BMAL1: variants seen among roughly 807,000 people sequenced by gnomAD.
BMAL1 encodes the protein basic helix-loop-helix ARNT-like protein 1.
chr11:13,311,064 C>T, the BMAL1 span, among the ~76,000 whole-genome samples: 1 of 152,182 alleles, frequency 6.6e-6, no homozygotes. Context: ...AAAGTTTAAG[C>T]TTGCTTGTTT....
At chr11:13,357,473 A>G in the BMAL1 span, among the ~76,000 whole-genome samples, 1 of 152,106 alleles carries the variant, frequency 6.6e-6, no homozygotes, top group East Asian at 1.9e-4. The surrounding 1 kb of genome is among the most constrained non-coding windows in gnomAD (Gnocchi z 4.8). Flanking sequence ...AGGGGCCCCT[A>G]TTGCACTGCG....
At chr11:13,377,249 A>G in the BMAL1 span, among the ~76,000 whole-genome samples, 1 of 152,096 alleles carries the variant, frequency 6.6e-6, no homozygotes, top group Non-Finnish European at 1.5e-5. Flanking sequence ...CTCCTGGCCC[A>G]GTCTCTCTCC....
At chr11:13,340,488 A>G in the BMAL1 span, among the ~76,000 whole-genome samples, 2 of 152,248 alleles carry the variant, frequency 1.3e-5, no homozygotes, top group Admixed American at 1.3e-4. Flanking sequence ...TCTCTGTTTT[A>G]TATTAAAACA....
the BMAL1 span, chr11:13,356,890 G>C: frequency 1.9e-6 from 3 of 1,594,490 alleles, no homozygotes; most frequent in Non-Finnish European, 2.6e-6. Context: ...AGATGAGCAA[G>C]GAGGCCGTGA....
At chr11:13,362,744 C>G in the BMAL1 span, among the ~76,000 whole-genome samples, 1 of 152,170 alleles carries the variant, frequency 6.6e-6, no homozygotes. Context: ...TGACCGATGC[C>G]TGTAGCATCT....
At chr11:13,348,203 T>G in the BMAL1 span, among the ~76,000 whole-genome samples, 1 of 152,218 alleles carries the variant, frequency 6.6e-6, no homozygotes, top group Non-Finnish European at 1.5e-5. Context: ...GAGCCACACC[T>G]GCAAGAAACG....
At chr11:13,360,518 C>A in the BMAL1 span, 1 of 1,011,570 alleles carries the variant, frequency 9.9e-7, no homozygotes, top group Non-Finnish European at 1.4e-6. Context: ...CAACACTGAG[C>A]TTTTTTTTTT....
the BMAL1 span, among the ~76,000 whole-genome samples, chr11:13,287,344 T>C: frequency 6.6e-6 from 1 of 152,176 alleles, no homozygotes; most frequent in Middle Eastern, 3.2e-3. Flanking sequence ...TTTCCTTACT[T>C]GAAGGCATAG....
chr11:13,331,431 G>T, the BMAL1 span, among the ~76,000 whole-genome samples: 1 of 152,202 alleles, frequency 6.6e-6, no homozygotes, highest in East Asian at 1.9e-4. Context: ...TGGGTGGTAG[G>T]AGGCAGTGAA....
the BMAL1 span, among the ~76,000 whole-genome samples, chr11:13,282,116 C>G: frequency 6.6e-6 from 1 of 152,182 alleles, no homozygotes; most frequent in East Asian, 1.9e-4. Flanking sequence ...TCATGACACA[C>G]TGGAGCCTAC....
the BMAL1 span, among the ~76,000 whole-genome samples, chr11:13,333,808 C>T: frequency 6.6e-6 from 1 of 152,160 alleles, no homozygotes; most frequent in Non-Finnish European, 1.5e-5. Context: ...CCTAGTTCTG[C>T]TTTTTGTGGC....
chr11:13,324,772 AT>A, the BMAL1 span, among the ~76,000 whole-genome samples: 3 of 152,238 alleles, frequency 2.0e-5, no homozygotes, highest in African/African-American at 7.2e-5. Context: ...AGGTGGGTGG[AT>A]GGACAAATGA....
the BMAL1 span, chr11:13,309,990 G>T: frequency 1.3e-5 from 2 of 152,648 alleles, no homozygotes; most frequent in Non-Finnish European, 2.9e-5. Context: ...CTTTTAGGTG[G>T]TGCTGGCTAG....
the BMAL1 span, among the ~76,000 whole-genome samples, chr11:13,288,307 A>G: frequency 4.6e-5 from 7 of 152,052 alleles, no homozygotes; most frequent in African/African-American, 1.7e-4. Flanking sequence ...AAATAAGGCC[A>G]TGGGAGCTCT....
At chr11:13,323,396 C>T in the BMAL1 span, among the ~76,000 whole-genome samples, 1 of 152,208 alleles carries the variant, frequency 6.6e-6, no homozygotes, top group East Asian at 1.9e-4. Context: ...TAGTGGTCTT[C>T]CCAGACCTAA....
chr11:13,323,945 T>C, the BMAL1 span, among the ~76,000 whole-genome samples: 1 of 152,238 alleles, frequency 6.6e-6, no homozygotes, highest in African/African-American at 2.4e-5. Flanking sequence ...TAACACATAA[T>C]AATTGTACAT....
At chr11:13,339,430 T>TACACACACACACACACACACAC in the BMAL1 span, among the ~76,000 whole-genome samples, 179 of 144,282 alleles carry the variant, frequency 1.2e-3, no homozygotes, top group African/African-American at 4.5e-3. Flanking sequence ...GCCCTGCTTT[T>TACACACACACACACACACACAC]ACACACACAC....
At chr11:13,299,675 G>A in the BMAL1 span, among the ~76,000 whole-genome samples, 11 of 152,172 alleles carry the variant, frequency 7.2e-5, no homozygotes, top group Admixed American at 1.3e-4. Context: ...GTTGTCTTGG[G>A]GACCTGCACG....
chr11:13,329,086 A>G, the BMAL1 span, among the ~76,000 whole-genome samples: 640 of 152,254 alleles, frequency 4.2e-3, 6 homozygotes, highest in African/African-American at 0.015. Flanking sequence ...CAAGACAGAG[A>G]GGGTCTCCGC....
Sources: gnomAD v4.1 joint callset for allele counts (sites outside exome capture counted in the v4.1 genomes callset) on GRCh38, gnomAD v4.1.1 for gene constraint, Gnocchi (gnomAD v3.1) non-coding constraint, MANE v1.5 for transcripts, NCBI Gene and HGNC (gene_info 2026-07-23, HGNC 2026-07-21) for gene names.